Variants in CD99L2 observed in about 807,000 individuals in gnomAD.
The protein encoded by CD99L2 is CD99 molecule like 2.
CD99L2 carries 24 observed loss-of-function variants against 27.3 expected under a neutral mutation model. The observed-to-expected ratio is 0.88, with a 90% CI of 0.64 to 1.24. The LOEUF is 1.24. CD99L2 is among the 50% of genes most tolerant of loss of function. The pLI is 0.00. For synonymous variants in CD99L2, 97 were observed against 87.9 expected (o/e 1.10, Z -0.58); for missense variants, 255 against 221.6 (o/e 1.15, Z -0.96).
intron 7 of CD99L2, among the ~76,000 whole-genome samples, chrX:150,779,746 G>A (rs1444678589): frequency 4.4e-5 from 5 of 112,453 alleles, no homozygotes; most frequent in African/African-American, 1.3e-4. Flanking sequence ...GGATGAAGGC[G>A]TAAAAGCACT....
At chrX:150,887,620 A>G (rs2047434954) in intron 1 of CD99L2, among the ~76,000 whole-genome samples, 1 of 111,159 alleles carries the variant, frequency 9.0e-6, no homozygotes. Context: ...CCAAGGCTAC[A>G]CAGTAGGCAC....
intron 2 of CD99L2, among the ~76,000 whole-genome samples, chrX:150,825,821 C>T (rs2046359201): frequency 1.8e-5 from 2 of 112,132 alleles, no homozygotes; most frequent in Admixed American, 1.9e-4. Flanking sequence ...GCAAATGCTT[C>T]CAGCAATATG....
At position 150,767,432 on chromosome X, in the gene CD99L2, G is replaced by A. The variant is rs1211054548; in HGVS notation, c.*1602C>T. On this transcript the variant is annotated 3_prime_UTR_variant, in exon 11 of 11. Coordinates refer to ENST00000370377, the MANE Select transcript of CD99L2 (RefSeq NM_031462.4). ...CAGGTCTGTCAGGGATTAAAGGGCC[G>A]AGCAGGAAAAGGGGTGGTAAGGAGC... The A allele has an allele frequency of 8.9e-6, 1 of 112,128 alleles. No individual in the cohort carries two copies. Among genetic ancestry groups the A allele is most frequent in the Non-Finnish European group, 1.9e-5 (1 of 53,281 alleles). The allele number at this position is 112,128 out of a possible 1,213,427, so 9.2% of individuals were successfully genotyped here.
intron 1 of CD99L2, among the ~76,000 whole-genome samples, chrX:150,875,713 C>A (rs1435368079): frequency 1.8e-5 from 2 of 112,004 alleles, no homozygotes; most frequent in East Asian, 2.8e-4. Context: ...GTAACTGAAT[C>A]ATTGGGGCAG....
In CD99L2 at chrX:150,848,645, G is replaced by A. The variant is rs2046742715; in HGVS notation, c.68-17352C>T. 2.7e-5 allele frequency among the ~76,000 whole-genome samples: 3 copies of A among 109,618 alleles called. No individual in the cohort carries two copies. In the South Asian group the frequency reaches 1.2e-3, roughly 43 times the overall value. ...AATTATCTCAAGGCATGTTAACTTT[G>A]GACAGAATCTGAAATATCATCTAAT... On this transcript the variant is annotated intron_variant, in intron 1 of 10. Transcript: ENST00000370377.
chrX:150,868,108 T>TAAC (rs1308228954), intron 1 of CD99L2, among the ~76,000 whole-genome samples: 1 of 105,865 alleles, frequency 9.4e-6, no homozygotes, highest in African/African-American at 3.4e-5. Flanking sequence ...ATAATAATAA[T>TAAC]AATAATAATA....
At chrX:150,824,849 T>C (rs2046346476) in intron 2 of CD99L2, among the ~76,000 whole-genome samples, 1 of 111,927 alleles carries the variant, frequency 8.9e-6, no homozygotes, top group Non-Finnish European at 1.9e-5. Flanking sequence ...GTAAAAACTG[T>C]ATTTGGAAGT....
chrX:150,811,406 TTAA>T (rs1172221781), intron 4 of CD99L2, among the ~76,000 whole-genome samples: 4 of 111,544 alleles, frequency 3.6e-5, no homozygotes, highest in African/African-American at 1.3e-4. Context: ...ATAGATAGAA[TTAA>T]TAATACAAAA....
At chrX:150,797,753 C>T (rs2045819643) in intron 4 of CD99L2, among the ~76,000 whole-genome samples, 1 of 111,109 alleles carries the variant, frequency 9.0e-6, no homozygotes, top group Non-Finnish European at 1.9e-5. Context: ...TAATAGGAAG[C>T]CCAGAAATAG....
At chrX:150,854,161 G>A (rs782607862) in intron 1 of CD99L2, among the ~76,000 whole-genome samples, 3 of 111,220 alleles carry the variant, frequency 2.7e-5, no homozygotes, top group Middle Eastern at 4.6e-3. Context: ...CTAGTCCTGA[G>A]CCCAGAGCCT....
At chrX:150,804,689 T>G (rs2045967636) in intron 4 of CD99L2, among the ~76,000 whole-genome samples, 1 of 111,762 alleles carries the variant, frequency 8.9e-6, no homozygotes, top group Middle Eastern at 4.6e-3. Context: ...TGACAAACCT[T>G]TAGCAAGATT....
At chrX:150,861,141 C>CAAAAAAAAAAAAAAAAAAAAAAAAAA (rs782255590) in intron 1 of CD99L2, among the ~76,000 whole-genome samples, 3 of 40,914 alleles carry the variant, frequency 7.3e-5, no homozygotes, top group African/African-American at 2.6e-4. Context: ...GACTCTGTCT[C>CAAAAAAAAAAAAAAAAAAAAAAAAAA]AAAAAAAAAA....
intron 6 of CD99L2, among the ~76,000 whole-genome samples, chrX:150,793,971 G>C (rs1018414953): frequency 4.1e-4 from 46 of 111,341 alleles, no homozygotes; most frequent in African/African-American, 1.4e-3. Flanking sequence ...ACCATGGATA[G>C]GATGGCTATA....
At chrX:150,818,051 C>CATAATAATTTTAAATTAAAAAAAAAA (rs2046189543) in intron 2 of CD99L2, among the ~76,000 whole-genome samples, 2 of 93,316 alleles carry the variant, frequency 2.1e-5, no homozygotes, top group East Asian at 3.2e-4. Flanking sequence ...AAGAGGAAGA[C>CATAATAATTTTAAATTAAAAAAAAAA]ATAATAATTT....
chrX:150,774,176 G>C (rs1557419190), intron 9 of CD99L2, among the ~76,000 whole-genome samples: 2 of 111,982 alleles, frequency 1.8e-5, no homozygotes, highest in Non-Finnish European at 3.8e-5. Flanking sequence ...TTACCAACTA[G>C]TTTAGTCAGT....
intron 4 of CD99L2, among the ~76,000 whole-genome samples, chrX:150,812,047 G>A (rs2046079220): frequency 1.8e-5 from 2 of 111,558 alleles, no homozygotes; most frequent in Admixed American, 1.9e-4. Context: ...TATAGTCCCA[G>A]CTACTTGGGA....
intron 6 of CD99L2, among the ~76,000 whole-genome samples, chrX:150,793,990 G>A (rs990222443): frequency 7.2e-5 from 8 of 111,100 alleles, no homozygotes; most frequent in Admixed American, 4.8e-4. Flanking sequence ...TATCACTCCC[G>A]TGATTAGGTT....
intron 1 of CD99L2, among the ~76,000 whole-genome samples, chrX:150,883,400 A>T (rs1237742804): frequency 1.8e-5 from 2 of 111,085 alleles, no homozygotes; most frequent in East Asian, 2.8e-4. Flanking sequence ...CATTAAAGGA[A>T]TGTAACAGAA....
intron 2 of CD99L2, among the ~76,000 whole-genome samples, chrX:150,826,677 T>C (rs2046372134): frequency 8.9e-6 from 1 of 112,010 alleles, no homozygotes. Context: ...TAAAACAGAC[T>C]GTAGTGATGG....
Sources: gnomAD v4.1 joint callset for allele counts (sites outside exome capture counted in the v4.1 genomes callset) on GRCh38, gnomAD v4.1.1 for gene constraint, MANE v1.5 for transcripts, NCBI Gene and HGNC (gene_info 2026-07-23, HGNC 2026-07-21) for gene names.